HECW1: variants seen among roughly 807,000 people sequenced by gnomAD.
HECW1 encodes E3 ubiquitin-protein ligase HECW1.
Under a neutral mutation model 182.3 loss-of-function variants are expected in HECW1, and 61 were observed. That is an observed-to-expected ratio of 0.33 (90% confidence interval 0.27 to 0.41). The LOEUF is 0.41. Among genes scored for constraint, HECW1 ranks in the 10% least tolerant of loss-of-function variants. HECW1 has a pLI of 1.00. For missense variants in HECW1, 1,739 were observed against 2,108.9 expected (o/e 0.82, Z 3.44); for synonymous variants, 859 against 832.6 (o/e 1.03, Z -0.55).
At chr7:43,237,183 A>T (rs1442392793) in intron 2 of HECW1, among the ~76,000 whole-genome samples, 1 of 146,114 alleles carries the variant, frequency 6.8e-6, no homozygotes, top group Non-Finnish European at 1.5e-5. Flanking sequence ...GTAGGTAGGT[A>T]GGTAGGTAAA....
At chr7:43,282,105 A>T (rs1803995472) in intron 3 of HECW1, among the ~76,000 whole-genome samples, 1 of 152,206 alleles carries the variant, frequency 6.6e-6, no homozygotes, top group African/African-American at 2.4e-5. Flanking sequence ...AGATTGAAGG[A>T]CATGTATTTA....
intron 24 of HECW1, among the ~76,000 whole-genome samples, chr7:43,515,424 T>C (rs2080097854): frequency 1.3e-5 from 2 of 152,018 alleles, no homozygotes; most frequent in Non-Finnish European, 2.9e-5. Flanking sequence ...GCTAGTGAAA[T>C]AGTTGTAGGA....
chr7:43,136,647 T>G (rs1019892283), intron 2 of HECW1, among the ~76,000 whole-genome samples: 6 of 152,186 alleles, frequency 3.9e-5, no homozygotes, highest in African/African-American at 1.4e-4. Flanking sequence ...AGGCTACAGG[T>G]GGAAGATTTC....
At chr7:43,433,631 C>T (rs1278806985) in intron 8 of HECW1, among the ~76,000 whole-genome samples, 1 of 152,238 alleles carries the variant, frequency 6.6e-6, no homozygotes, top group African/African-American at 2.4e-5. Flanking sequence ...CCTTGTACAG[C>T]TGTCTTCCTG....
Position 43,301,103 on chromosome 7 carries a change from C to G in HECW1, c.28-10660C>G, listed in dbSNP as rs79687994. Reference sequence around the variant, plus strand: ...GAAGTTTCTAAGGTGAACAAAACCTCCGTGGCCCCCCACTCTCCAATGGAG... The same window carrying G: ...GAAGTTTCTAAGGTGAACAAAACCTGCGTGGCCCCCCACTCTCCAATGGAG... On this transcript the variant is annotated intron_variant, in intron 3 of 29. Transcript: ENST00000395891. Among the ~76,000 whole-genome samples, 1,274 of 152,304 alleles carry G rather than the reference C, an allele frequency of 8.4e-3. 23 individuals are homozygous for G. Among genetic ancestry groups the G allele is most frequent in the African/African-American group, 0.029 (1,200 of 41,566 alleles).
At chr7:43,290,768 TC>T (rs1376921355) in intron 3 of HECW1, among the ~76,000 whole-genome samples, 1 of 151,946 alleles carries the variant, frequency 6.6e-6, no homozygotes, top group Non-Finnish European at 1.5e-5. Context: ...CAACAGGGAG[TC>T]CCCCACATGA....
At chr7:43,150,641 A>C (rs1285104569) in intron 2 of HECW1, among the ~76,000 whole-genome samples, 1 of 152,218 alleles carries the variant, frequency 6.6e-6, no homozygotes, top group Non-Finnish European at 1.5e-5. Flanking sequence ...GGCCTCCCAA[A>C]GTGCTGGGAT....
chr7:43,508,523 G>A (rs2079696058), intron 23 of HECW1, among the ~76,000 whole-genome samples: 1 of 152,164 alleles, frequency 6.6e-6, no homozygotes, highest in African/African-American at 2.4e-5. Flanking sequence ...ACCATGAAGG[G>A]CAAGCCCATG....
Position 43,126,067 on chromosome 7 carries a change from CTT to C in HECW1, c.-32+11697_-32+11698del, listed in dbSNP as rs71008891. Among the ~76,000 whole-genome samples the C allele has an allele frequency of 5.9e-4, 61 of 103,980 alleles. 1 individual carries two copies. Among genetic ancestry groups the C allele is most frequent in the South Asian group, 1.4e-3 (4 of 2,954 alleles). The allele number at this position is 103,980 out of a possible 152,430, so 68.2% of individuals were successfully genotyped here. On this transcript the variant is annotated intron_variant, in intron 2 of 29. Transcript: ENST00000395891. Reference sequence around the variant, plus strand: ...GTGCGTGTATATGAGTTTGTTCTCACTTTTTTTTTTTTTTTTTTTTTTGGTTT... The same window carrying C: ...GTGCGTGTATATGAGTTTGTTCTCACTTTTTTTTTTTTTTTTTTTTGGTTT...
chr7:43,144,324 G>A (rs1440615898), intron 2 of HECW1, among the ~76,000 whole-genome samples: 2 of 152,178 alleles, frequency 1.3e-5, no homozygotes, highest in Non-Finnish European at 2.9e-5. Flanking sequence ...CTGAGGTAGT[G>A]TTTGTTGGGT....
chr7:43,114,393 T>G lies in HECW1; in HGVS notation c.-32+2T>G, dbSNP rs746203317. ...CTCACTCCGGCTGTGGCTATTACGG[T>G]AATTCATTCTAGATTGGGGATTCAT... On this transcript the variant is annotated splice_donor_variant, in intron 2 of 29. Transcript: ENST00000395891. LOFTEE classifies it low-confidence loss of function (5UTR_SPLICE). The G allele has an allele frequency of 7.4e-7, 1 of 1,343,286 alleles. No individual in the cohort carries two copies. Among genetic ancestry groups the G allele is most frequent in the Non-Finnish European group, 9.8e-7 (1 of 1,021,614 alleles). 83.2% of individuals were successfully genotyped at this position (1,343,286 alleles called of 1,614,324 possible).
rs2081374985 is a variant in HECW1 at position 43,541,864 on chromosome 7, C to T, written c.4119-5C>T. On this transcript the variant is annotated splice_region_variant and splice_polypyrimidine_tract_variant and intron_variant, in intron 25 of 29. Transcript: ENST00000395891. ...TAATTTGCCTTTCTCACTGAATTCA[C>T]CCAGGCCCTGTGATTTGAGTGACCT... The T allele has an allele frequency of 6.7e-7, 1 of 1,497,200 alleles. No homozygotes were observed. Among genetic ancestry groups the T allele is most frequent in the African/African-American group, 1.4e-5 (1 of 70,600 alleles). 92.7% of individuals were successfully genotyped at this position (1,497,200 alleles called of 1,614,324 possible).
At chr7:43,422,594 C>G (rs561619148) in intron 8 of HECW1, among the ~76,000 whole-genome samples, 62 of 151,982 alleles carry the variant, frequency 4.1e-4, no homozygotes, top group African/African-American at 1.4e-3. Context: ...GTCTTGAACG[C>G]CTGATGTCAG....
At chr7:43,336,124 T>TCTCTCTCTCTCTCTCTCTC (rs1812181848) in intron 5 of HECW1, among the ~76,000 whole-genome samples, 1 of 64,246 alleles carries the variant, frequency 1.6e-5, no homozygotes, top group African/African-American at 7.3e-5. Context: ...CTTTCTTTCT[T>TCTCTCTCTCTCTCTCTCTC]TCTCTCTCTC....
At chr7:43,216,174 CT>C (rs1796425009) in intron 2 of HECW1, among the ~76,000 whole-genome samples, 1 of 152,086 alleles carries the variant, frequency 6.6e-6, no homozygotes, top group South Asian at 2.1e-4. Flanking sequence ...GAGACAGAGT[CT>C]TGCTCTGTCA....
intron 2 of HECW1, among the ~76,000 whole-genome samples, chr7:43,144,666 T>C (rs1163003577): frequency 6.6e-6 from 1 of 152,188 alleles, no homozygotes; most frequent in Non-Finnish European, 1.5e-5. Context: ...TTGTGGAGTT[T>C]TCTTGTTTCT....
In HECW1 at chr7:43,365,210, C is replaced by T. The variant is rs188493984; in HGVS notation, c.555+4230C>T. The stretch of plus-strand genomic sequence containing the variant: ...CCGGAGACTCTGATGCAGTCTGAAG[C>T]TGTTGGTGTGAGCCAGGTAAGTGAG... On this transcript the variant is annotated intron_variant, in intron 6 of 29. Coordinates refer to ENST00000395891, the MANE Select transcript of HECW1 (RefSeq NM_015052.5). Among the ~76,000 whole-genome samples the T allele has an allele frequency of 1.8e-3, 269 of 152,362 alleles. 1 individual carries two copies. Among genetic ancestry groups the T allele is most frequent in the Non-Finnish European group, 2.7e-3 (183 of 68,036 alleles).
intron 3 of HECW1, among the ~76,000 whole-genome samples, chr7:43,296,026 G>A (rs1346238071): frequency 3.9e-5 from 6 of 151,982 alleles, no homozygotes; most frequent in Non-Finnish European, 7.4e-5. Context: ...GAAACCTAAA[G>A]TTACAAAAAT....
intron 19 of HECW1, among the ~76,000 whole-genome samples, chr7:43,497,113 A>T (rs2079150261): frequency 6.6e-6 from 1 of 152,212 alleles, no homozygotes; most frequent in African/African-American, 2.4e-5. Flanking sequence ...GCAGAGGAAG[A>T]GGACTTACAT....
Sources: gnomAD v4.1 joint callset for allele counts (sites outside exome capture counted in the v4.1 genomes callset) on GRCh38, gnomAD v4.1.1 for gene constraint, MANE v1.5 for transcripts, NCBI Gene and HGNC (gene_info 2026-07-23, HGNC 2026-07-21) for gene names.